The following CCDC198 variants were observed in gnomAD, a reference collection of about 807,000 sequenced individuals.
CCDC198 encodes the protein coiled-coil domain containing 198.
CCDC198 carries 18 observed loss-of-function variants against 35.6 expected under a neutral mutation model. That is an observed-to-expected ratio of 0.51 (90% CI 0.35 to 0.75). The LOEUF is 0.75. CCDC198 is among the 30% of genes least tolerant of loss of function. The probability of loss-of-function intolerance (pLI) is 0.01; values close to 1 mark genes in which losing one functional copy is unlikely to be tolerated. For missense variants in CCDC198, 365 were observed against 343.7 expected, an observed-to-expected ratio of 1.06 and a Z score of -0.49; for synonymous variants, 119 against 113.4, an observed-to-expected ratio of 1.05 and a Z score of -0.31.
chr14:57,486,468 G>A lies in CCDC198; in HGVS notation c.307-3317C>T, dbSNP rs533050545. On this transcript the variant is annotated intron_variant, in intron 2 of 5. Coordinates refer to ENST00000216445, the MANE Select transcript of CCDC198 (RefSeq NM_018168.4). Reference sequence around the variant, plus strand: ...AAATGGCTTATCATCAGACTTTTCCGGGATTAAAAAAAAAAAAAGAAATTC... The same window carrying A: ...AAATGGCTTATCATCAGACTTTTCCAGGATTAAAAAAAAAAAAAGAAATTC... Among the ~76,000 whole-genome samples, 9 of 150,454 alleles carry A rather than the reference G, an allele frequency of 6.0e-5. 1 individual carries two copies. Among genetic ancestry groups the A allele is most frequent in the African/African-American group, 1.7e-4 (7 of 40,644 alleles).
chr14:57,483,009 A>G, intron 3 of CCDC198, 56 bp downstream of exon 3: 2 of 1,612,216 alleles, frequency 1.2e-6, no homozygotes, highest in Admixed American at 3.3e-5. Flanking sequence ...CAGTGCCCCA[A>G]TCCTGTGTCG....
At chr14:57,486,649 A>T (rs180822597) in intron 2 of CCDC198, among the ~76,000 whole-genome samples, 74 of 152,298 alleles carry the variant, frequency 4.9e-4, no homozygotes, top group African/African-American at 1.7e-3. Context: ...ACGACATCAT[A>T]ATAGACTACG....
chr14:57,489,007 G>A (rs905336692), intron 2 of CCDC198, among the ~76,000 whole-genome samples: 1 of 152,092 alleles, frequency 6.6e-6, no homozygotes, highest in Non-Finnish European at 1.5e-5. Context: ...ATTTGACCCA[G>A]CAATCCCGTT....
intron 5 of CCDC198, chr14:57,475,626 G>A: frequency 2.5e-6 from 1 of 399,314 alleles, no homozygotes; most frequent in Non-Finnish European, 4.9e-6. Context: ...AGAATCATTT[G>A]AACTTGGGAG....
Position 57,471,138 on chromosome 14 carries a change from G to T in CCDC198, c.*217C>A, listed in dbSNP as rs2066806602. On this transcript the variant is annotated 3_prime_UTR_variant, in exon 6 of 6. Coordinates refer to ENST00000216445, the MANE Select transcript of CCDC198 (RefSeq NM_018168.4). ...CCACAGGAAAGTGAGACAATAAAATGGCTCTTGGTTAGCCCCTGTGTTTTG... is the reference window on the plus strand; with the variant it reads ...CCACAGGAAAGTGAGACAATAAAATTGCTCTTGGTTAGCCCCTGTGTTTTG... The T allele has an allele frequency of 2.2e-6, 1 of 448,112 alleles. No homozygotes were observed. The highest frequency in any genetic ancestry group is 4.0e-6 in the Non-Finnish European group (1 of 252,970). 27.8% of individuals were successfully genotyped at this position (448,112 alleles called of 1,614,324 possible). A position where few individuals can be genotyped will look rare whatever the true frequency, so the allele number is the denominator to read the frequency against.
At chr14:57,490,537 GA>G (rs2067527612) in intron 2 of CCDC198, among the ~76,000 whole-genome samples, 1 of 152,148 alleles carries the variant, frequency 6.6e-6, no homozygotes, top group African/African-American at 2.4e-5. Context: ...GGTAGTTACT[GA>G]ACTCTCTGAC....
intron 2 of CCDC198, among the ~76,000 whole-genome samples, chr14:57,490,000 T>C (rs997244728): frequency 2.0e-5 from 3 of 152,158 alleles, no homozygotes; most frequent in Non-Finnish European, 2.9e-5. Context: ...TCTAATATTT[T>C]GGGAAAAGAT....
At position 57,478,362 on chromosome 14, in the gene CCDC198, G is replaced by A. The variant is rs918115961; in HGVS notation, c.655+2233C>T. ...AATTCTGGCTCTATCACCCTGGGGC[G>A]AATAGTAGCTCCTACCTTCTAGGTT... On this transcript the variant is annotated intron_variant, in intron 5 of 5. Coordinates refer to ENST00000216445, the MANE Select transcript of CCDC198 (RefSeq NM_018168.4). The A allele has an allele frequency of 3.2e-5, 22 of 680,030 alleles. No individual in the cohort carries two copies. In the East Asian group the frequency reaches 1.1e-3, roughly 33 times the overall value. 42.1% of individuals were successfully genotyped at this position (680,030 alleles called of 1,614,324 possible).
At chr14:57,472,697 T>A (rs1032076608) in intron 5 of CCDC198, among the ~76,000 whole-genome samples, 6 of 152,232 alleles carry the variant, frequency 3.9e-5, no homozygotes, top group Non-Finnish European at 5.9e-5. Context: ...AGAGACAATT[T>A]ATTTTTAGTT....
intron 1 of CCDC198, among the ~76,000 whole-genome samples, chr14:57,493,103 A>T (rs984881661): frequency 6.6e-6 from 1 of 152,176 alleles, no homozygotes; most frequent in Non-Finnish European, 1.5e-5. Context: ...GCATTAAACT[A>T]TACTGGAGAG....
chr14:57,483,925 G>T (rs527847292), intron 2 of CCDC198, among the ~76,000 whole-genome samples: 42 of 152,268 alleles, frequency 2.8e-4, no homozygotes, highest in Admixed American at 2.6e-3. Flanking sequence ...GGGATGCAAC[G>T]GTCACCAAAA....
chr14:57,484,919 A>T (rs1008647166), intron 2 of CCDC198, among the ~76,000 whole-genome samples: 3 of 152,194 alleles, frequency 2.0e-5, no homozygotes, highest in African/African-American at 7.2e-5. Context: ...GACAAAGATG[A>T]TGGGCTGGGG....
At chr14:57,478,479 C>A (rs561537105) in intron 5 of CCDC198, 3 of 986,178 alleles carry the variant, frequency 3.0e-6, no homozygotes, top group Non-Finnish European at 1.2e-6. Context: ...TTGAACAAAA[C>A]GAAGCAGCTT....
chr14:57,491,303 C>A (rs531182262), intron 1 of CCDC198, among the ~76,000 whole-genome samples: 1 of 151,980 alleles, frequency 6.6e-6, no homozygotes, highest in African/African-American at 2.4e-5. Flanking sequence ...CTCCTAACTT[C>A]CTACTCAGGT....
intron 1 of CCDC198, among the ~76,000 whole-genome samples, chr14:57,491,429 C>T (rs2067563533): frequency 6.6e-6 from 1 of 152,008 alleles, no homozygotes; most frequent in Admixed American, 6.6e-5. Context: ...CATAAAATCT[C>T]CTCCCTGAAA....
intron 1 of CCDC198, among the ~76,000 whole-genome samples, chr14:57,492,259 T>C (rs73299843): frequency 0.026 from 3,936 of 151,970 alleles, 182 homozygotes; most frequent in African/African-American, 0.09. Flanking sequence ...ATATGGGAGA[T>C]CATGAGGATT....
intron 5 of CCDC198, chr14:57,478,365 T>G (rs2067071119): frequency 1.4e-6 from 1 of 704,758 alleles, no homozygotes; most frequent in Non-Finnish European, 1.7e-6. Flanking sequence ...CTGGGGCGAA[T>G]AGTAGCTCCT....
At position 57,485,214 on chromosome 14, in the gene CCDC198, G is replaced by T. The variant is rs188971241; in HGVS notation, c.307-2063C>A. ...AGAGGTCTGTGCTGGAGATTTTGGG[G>T]AATAATCCCAGAGTAGAGCATGAGT... On this transcript the variant is annotated intron_variant, in intron 2 of 5. Coordinates refer to ENST00000216445, the MANE Select transcript of CCDC198 (RefSeq NM_018168.4). Among the ~76,000 whole-genome samples the T allele has an allele frequency of 5.1e-4, 77 of 152,222 alleles. 1 individual carries two copies. The highest frequency in any genetic ancestry group is 1.2e-3 in the Admixed American group (18 of 15,288).
intron 5 of CCDC198, among the ~76,000 whole-genome samples, chr14:57,474,620 G>A (rs1374275934): frequency 2.0e-5 from 3 of 152,262 alleles, no homozygotes; most frequent in South Asian, 2.1e-4. Flanking sequence ...TGTGTACACA[G>A]CATTAAAATT....
Sources: gnomAD v4.1 joint callset for allele counts (sites outside exome capture counted in the v4.1 genomes callset) on GRCh38, gnomAD v4.1.1 for gene constraint, MANE v1.5 for transcripts, NCBI Gene and HGNC (gene_info 2026-07-23, HGNC 2026-07-21) for gene names.